The following TTLL8 variants were observed in gnomAD, a reference collection of about 807,000 sequenced individuals.
TTLL8 encodes protein monoglycylase TTLL8.
A neutral mutation model predicts 77.8 loss-of-function variants in TTLL8; 65 were observed. The ratio of observed to expected loss-of-function variants is 0.84; its 90% confidence interval spans 0.68 to 1.03. The LOEUF is 1.03. Ranked by LOEUF, TTLL8 falls within the 50% of genes least tolerant of loss-of-function variation. The probability of loss-of-function intolerance (pLI) is 0.00; values close to 1 mark genes in which losing one functional copy is unlikely to be tolerated. For synonymous variants in TTLL8, 402 were observed against 422.8 expected, an observed-to-expected ratio of 0.95 and a Z score of 0.60; for missense variants, 910 against 1,004.5, an observed-to-expected ratio of 0.91 and a Z score of 1.27.
In TTLL8 at chr22:50,034,412, A is replaced by G. The variant is rs1415380634; in HGVS notation, c.972T>C (p.Ile324=). 7.3e-7 allele frequency: 1 copy of G among 1,367,234 alleles called. No individual in the cohort carries two copies. The highest frequency in any genetic ancestry group is 1.5e-5 in the African/African-American group (1 of 67,758). The allele number at this position is 1,367,234 out of a possible 1,614,324, so 84.7% of individuals were successfully genotyped here. Residue 324 remains isoleucine (I), a synonymous_variant, in exon 9 of 14, where the codon ATT becomes ATC. Coordinates refer to ENST00000266182, the Ensembl canonical transcript of TTLL8. This position sits in a 1 kb window ranked among gnomAD's most constrained non-coding sequence, Gnocchi z 4.1. ...TAATCCAGATGTTCCGGAGCCCGTC[A>G]ATGTCCGTCTGAGGGTTCACAGACG...
chr22:50,037,747 T>A (rs574639278), intron 8 of TTLL8, among the ~76,000 whole-genome samples: 1 of 152,328 alleles, frequency 6.6e-6, no homozygotes, highest in East Asian at 1.9e-4. Context: ...TATCCCAATA[T>A]CACATCTTAA....
chr22:50,047,840 G>A (rs1286043930), intron 3 of TTLL8, among the ~76,000 whole-genome samples: 1 of 152,232 alleles, frequency 6.6e-6, no homozygotes, highest in Non-Finnish European at 1.5e-5. Context: ...GCTCACGCCT[G>A]TAATCCCAAC....
At chr22:50,024,002 T>G (rs1335568632) in intron 12 of TTLL8, among the ~76,000 whole-genome samples, 2 of 152,070 alleles carry the variant, frequency 1.3e-5, no homozygotes, top group East Asian at 1.9e-4. Flanking sequence ...CCCGGGCAAC[T>G]GTGCGAGACT....
At chr22:50,048,703 T>G (rs1325136272) in intron 3 of TTLL8, among the ~76,000 whole-genome samples, 3 of 152,226 alleles carry the variant, frequency 2.0e-5, no homozygotes, top group African/African-American at 7.2e-5. Context: ...GTCTTTTCAT[T>G]ACTGATTTGT....
intron 12 of TTLL8, among the ~76,000 whole-genome samples, chr22:50,021,655 C>T (rs1212056939): frequency 6.9e-6 from 1 of 145,846 alleles, no homozygotes; most frequent in African/African-American, 2.6e-5. Flanking sequence ...ATGATGTGCA[C>T]TCCTCCATCT....
chr22:50,035,861 G>A (rs965621715), intron 8 of TTLL8, among the ~76,000 whole-genome samples: 3 of 152,188 alleles, frequency 2.0e-5, no homozygotes, highest in African/African-American at 4.8e-5. Context: ...GCCCAGCCCC[G>A]AGCCTGTGAC....
At chr22:50,027,653 A>G (rs1254630038) in intron 12 of TTLL8, 7 of 985,272 alleles carry the variant, frequency 7.1e-6, no homozygotes, top group South Asian at 4.7e-5. Context: ...GCCAGCACGC[A>G]CTTCCTGTCC....
At chr22:50,035,701 C>T (rs768959257) in intron 8 of TTLL8, among the ~76,000 whole-genome samples, 1 of 152,178 alleles carries the variant, frequency 6.6e-6, no homozygotes, top group Non-Finnish European at 1.5e-5. Flanking sequence ...CTATTGTGGT[C>T]TAAATAGGGT....
chr22:50,035,035 C>A (rs1488926309), intron 8 of TTLL8, among the ~76,000 whole-genome samples: 2 of 152,146 alleles, frequency 1.3e-5, no homozygotes, highest in Non-Finnish European at 2.9e-5. Flanking sequence ...TCATCATAAC[C>A]ACAGGGAATA....
At chr22:50,020,386 C>T (rs1012007725) in intron 12 of TTLL8, among the ~76,000 whole-genome samples, 12 of 147,880 alleles carry the variant, frequency 8.1e-5, no homozygotes, top group African/African-American at 2.3e-4. Flanking sequence ...CTCCATCTGA[C>T]GTGCATTCCT....
chr22:50,021,182 C>G (rs1174758561), intron 12 of TTLL8, among the ~76,000 whole-genome samples: 1 of 134,482 alleles, frequency 7.4e-6, no homozygotes, highest in African/African-American at 2.8e-5. Context: ...CTCCATCTGA[C>G]GTGCACTCCT....
chr22:50,051,641 A>G (rs2061444214), intron 1 of TTLL8, among the ~76,000 whole-genome samples: 1 of 152,178 alleles, frequency 6.6e-6, no homozygotes, highest in South Asian at 2.1e-4. Context: ...GCACTAGTTT[A>G]TATTCCCACC....
chr22:50,036,766 C>A (rs976271802), intron 8 of TTLL8, among the ~76,000 whole-genome samples: 3 of 151,954 alleles, frequency 2.0e-5, no homozygotes, highest in Non-Finnish European at 4.4e-5. Context: ...GCCCAGCTAA[C>A]TTTTGTATTT....
intron 12 of TTLL8, among the ~76,000 whole-genome samples, chr22:50,028,441 C>T (rs780395952): frequency 1.3e-5 from 2 of 152,322 alleles, no homozygotes; most frequent in Non-Finnish European, 2.9e-5. Context: ...ATGTGCCCTG[C>T]GGGCCATAGC....
At chr22:50,039,878 G>T (rs2061358548) in intron 8 of TTLL8, among the ~76,000 whole-genome samples, 1 of 151,316 alleles carries the variant, frequency 6.6e-6, no homozygotes, top group Non-Finnish European at 1.5e-5. Context: ...CCTCATGTGT[G>T]TCGGTGTGGA....
intron 2 of TTLL8, among the ~76,000 whole-genome samples, 175 bp from the exon 5 acceptor site, chr22:50,049,497 G>A (rs1367314693): frequency 6.6e-6 from 1 of 152,176 alleles, no homozygotes; most frequent in Non-Finnish European, 1.5e-5. Flanking sequence ...CAGGCTTGGG[G>A]CATTCTGGCA....
intron 12 of TTLL8, among the ~76,000 whole-genome samples, chr22:50,022,999 GGC>G (rs1197515110): frequency 2.0e-5 from 3 of 151,104 alleles, no homozygotes; most frequent in African/African-American, 7.4e-5. Context: ...ACAAAATCAG[GGC>G]ATGTCCCACA....
chr22:50,044,329 A>C lies in TTLL8; in HGVS notation c.643+926T>G, dbSNP rs905521428. Among the ~76,000 whole-genome samples, 5 of 152,084 alleles carry C rather than the reference A, an allele frequency of 3.3e-5. No homozygotes were observed. Among genetic ancestry groups the C allele is most frequent in the African/African-American group, 1.2e-4 (5 of 41,402 alleles). ...CAAGACTCCATCTCAAAAAAAAAAA[A>C]ACATTAATTAGGAGGCCATCAGATG... On this transcript the variant is annotated intron_variant, in intron 6 of 13. Coordinates refer to ENST00000266182, the Ensembl canonical transcript of TTLL8. The surrounding 1 kb of genome is among the most constrained non-coding windows in gnomAD (Gnocchi z 4.2).
chr22:50,055,961 G>A (rs2061468624), upstream of TTLL8, among the ~76,000 whole-genome samples: 1 of 152,166 alleles, frequency 6.6e-6, no homozygotes, highest in South Asian at 2.1e-4. Context: ...CAAGACACAG[G>A]TCATAAAGAC....
Sources: allele counts gnomAD v4.1 joint callset (sites outside exome capture counted in the v4.1 genomes callset), GRCh38; gene constraint gnomAD v4.1.1; non-coding constraint Gnocchi (gnomAD v3.1); transcripts MANE v1.5; gene names NCBI Gene and HGNC (gene_info 2026-07-23, HGNC 2026-07-21).